Variants in KCNC2 observed in about 807,000 individuals in gnomAD.
KCNC2 encodes potassium voltage-gated channel subfamily C member 2.
In KCNC2, 21 loss-of-function variants were observed where a neutral mutation model predicts 44.5. That is an observed-to-expected ratio of 0.47 (90% CI 0.33 to 0.68). The LOEUF is 0.68. KCNC2 is among the 30% of genes least tolerant of loss of function. KCNC2 has a pLI of 0.01. For synonymous variants in KCNC2, 391 were observed against 339.1 expected, an observed-to-expected ratio of 1.15 and a Z score of -1.68; for missense variants, 589 against 826.2, an observed-to-expected ratio of 0.71 and a Z score of 3.52.
chr12:75,144,366 T>C (rs1889865906), intron 2 of KCNC2, among the ~76,000 whole-genome samples: 1 of 152,186 alleles, frequency 6.6e-6, no homozygotes, highest in African/African-American at 2.4e-5. Flanking sequence ...TAGTAGAGTG[T>C]TGTCCCACTA....
chr12:75,114,856 C>CTTTT (rs754820554), intron 2 of KCNC2, among the ~76,000 whole-genome samples: 2 of 86,542 alleles, frequency 2.3e-5, no homozygotes, highest in Non-Finnish European at 4.1e-5. Context: ...TCAACTTCTA[C>CTTTT]TTTTTTTTTT....
Position 75,042,106 on chromosome 12 carries a change from A to G in KCNC2, c.*999T>C, listed in dbSNP as rs945306913. 9.7e-6 allele frequency: 12 copies of G among 1,243,112 alleles called. No homozygotes were observed. The highest frequency in any genetic ancestry group is 3.2e-5 in the South Asian group (1 of 31,714). The allele number at this position is 1,243,112 out of a possible 1,614,324, so 77.0% of individuals were successfully genotyped here. On this transcript the variant is annotated 3_prime_UTR_variant, in exon 5 of 5. Coordinates refer to ENST00000549446, the MANE Select transcript of KCNC2 (RefSeq NM_139137.4). The stretch of plus-strand genomic sequence containing the variant: ...AGTGACATTTGATGTTTGCACAAAA[A>G]ATTAATAAATAAAAATAAAATAAGG...
intron 2 of KCNC2, among the ~76,000 whole-genome samples, chr12:75,060,041 G>T (rs1013992250): frequency 3.3e-5 from 5 of 151,972 alleles, no homozygotes; most frequent in African/African-American, 1.2e-4. Flanking sequence ...AATCAATAAA[G>T]GCAATCAAAA....
intron 2 of KCNC2, among the ~76,000 whole-genome samples, chr12:75,090,904 G>GAAA (rs1300412220): frequency 1.3e-5 from 2 of 151,644 alleles, no homozygotes; most frequent in Non-Finnish European, 3.0e-5. Flanking sequence ...CACTGGTGAA[G>GAAA]AAAAATGGGT....
rs112076923 is a variant in KCNC2 at position 75,170,777 on chromosome 12, C to T, written c.687+36520G>A. Among the ~76,000 whole-genome samples, 233 of 151,828 alleles carry T rather than the reference C, an allele frequency of 1.5e-3. 4 individuals carry two copies. The highest frequency in any genetic ancestry group is 4.4e-3 in the African/African-American group (182 of 41,472). ...CAGCTCCCATATTTGAACTTCTCCA[C>T]GTTTCAGGGCAACACCCAATAGTTA... On this transcript the variant is annotated intron_variant, in intron 2 of 4. Transcript: ENST00000549446.
chr12:75,169,034 C>T (rs1209308525), intron 2 of KCNC2, among the ~76,000 whole-genome samples: 2 of 151,334 alleles, frequency 1.3e-5, no homozygotes, highest in East Asian at 1.9e-4. Context: ...TAGACAGGTG[C>T]CAAAAGGAAA....
intron 2 of KCNC2, among the ~76,000 whole-genome samples, chr12:75,054,369 A>C (rs975949384): frequency 6.6e-6 from 1 of 152,132 alleles, no homozygotes; most frequent in Non-Finnish European, 1.5e-5. Flanking sequence ...CAATAACATA[A>C]TAGAAATTTG....
Position 75,209,300 on chromosome 12 carries a change from C to A in KCNC2, c.-113G>T, listed in dbSNP as rs1303142348. ...GACTGAGTCTTGGCGCCCAGGTGAG[C>A]CGCCCTTCTCCGACGAGAAACTACT... is the stretch of plus-strand genomic sequence containing the variant. On this transcript the variant is annotated 5_prime_UTR_variant, in exon 1 of 5. Coordinates refer to ENST00000549446, the MANE Select transcript of KCNC2 (RefSeq NM_139137.4). The A allele has an allele frequency of 6.6e-6, 1 of 152,196 alleles. No individual in the cohort carries two copies. The highest frequency in any genetic ancestry group is 1.5e-5 in the Non-Finnish European group (1 of 68,066). 9.4% of individuals were successfully genotyped at this position (152,196 alleles called of 1,614,324 possible).
Position 75,041,309 on chromosome 12 carries a change from G to A in KCNC2, c.*1796C>T. On this transcript the variant is annotated 3_prime_UTR_variant, in exon 5 of 5. Transcript: ENST00000549446. ...GTGTGGTGTTATCAAAAGAATCACT[G>A]TGTCTCTAAATATCATATATGTATG... 1 of 1,511,402 alleles carries A rather than the reference G, an allele frequency of 6.6e-7. No individual in the cohort carries two copies. The highest frequency in any genetic ancestry group is 8.8e-7 in the Non-Finnish European group (1 of 1,132,434). 93.6% of individuals were successfully genotyped at this position (1,511,402 alleles called of 1,614,324 possible).
chr12:75,188,709 A>C (rs1254510710), intron 2 of KCNC2, among the ~76,000 whole-genome samples: 1 of 151,700 alleles, frequency 6.6e-6, no homozygotes, highest in African/African-American at 2.4e-5. Context: ...AAATACAAAA[A>C]ATTAGCTGGG....
intron 2 of KCNC2, among the ~76,000 whole-genome samples, chr12:75,085,744 T>C (rs1884944034): frequency 6.6e-6 from 1 of 152,108 alleles, no homozygotes; most frequent in Admixed American, 6.6e-5. Context: ...TACTTCATTC[T>C]TTCACAATAG....
chr12:75,130,571 A>T (rs1888765913), intron 2 of KCNC2, among the ~76,000 whole-genome samples: 1 of 152,244 alleles, frequency 6.6e-6, no homozygotes, highest in Non-Finnish European at 1.5e-5. Flanking sequence ...ATGAGGCTAC[A>T]GAAATTATTA....
chr12:75,050,371 A>G lies in KCNC2; in HGVS notation c.1615+19T>C, dbSNP rs1881033925. 6.5e-7 allele frequency: 1 copy of G among 1,544,022 alleles called. No homozygotes were observed. The highest frequency in any genetic ancestry group is 1.4e-5 in the African/African-American group (1 of 72,834). ...GTCTATAAAGTATTTAATAACATGC[A>G]TTTGAAGTCCTGCCTTACCTGATCT... On this transcript the variant is annotated intron_variant, in intron 3 of 4. Coordinates refer to ENST00000549446, the MANE Select transcript of KCNC2 (RefSeq NM_139137.4).
At position 75,064,210 on chromosome 12, in the gene KCNC2, G is replaced by A. The variant is rs559907319; in HGVS notation, c.688-12893C>T. ...TTCTATTTTAAAACACTTTTTATTA[G>A]CTACTTTATTCTTTTATTCCCTTGC... On this transcript the variant is annotated intron_variant, in intron 2 of 4. Coordinates refer to ENST00000549446, the MANE Select transcript of KCNC2 (RefSeq NM_139137.4). 1.1e-4 allele frequency among the ~76,000 whole-genome samples: 17 copies of A among 152,006 alleles called. 1 individual carries two copies. The South Asian group carries it at 2.9e-3, about 26-fold the overall frequency.
At chr12:75,095,324 A>T (rs1885830424) in intron 2 of KCNC2, among the ~76,000 whole-genome samples, 1 of 151,752 alleles carries the variant, frequency 6.6e-6, no homozygotes, top group African/African-American at 2.4e-5. Flanking sequence ...GGGCCCACAC[A>T]CAGAATTGTC....
intron 2 of KCNC2, among the ~76,000 whole-genome samples, chr12:75,104,351 A>G (rs1886611076): frequency 6.6e-6 from 1 of 152,192 alleles, no homozygotes; most frequent in Admixed American, 6.5e-5. Flanking sequence ...TCAGAACGGT[A>G]CACAATTTAA....
intron 2 of KCNC2, among the ~76,000 whole-genome samples, chr12:75,137,298 A>G (rs1252262203): frequency 1.3e-5 from 2 of 152,162 alleles, no homozygotes; most frequent in Admixed American, 1.3e-4. Context: ...AAGAAATCTC[A>G]TATAATTTAC....
intron 2 of KCNC2, among the ~76,000 whole-genome samples, chr12:75,198,331 C>T (rs769291445): frequency 1.1e-4 from 17 of 151,622 alleles, no homozygotes; most frequent in Admixed American, 3.3e-4. Context: ...TCACTCAGGC[C>T]TAATTATAAA....
At chr12:75,130,943 T>TA (rs1183775381) in intron 2 of KCNC2, among the ~76,000 whole-genome samples, 1 of 152,094 alleles carries the variant, frequency 6.6e-6, no homozygotes, top group Non-Finnish European at 1.5e-5. Context: ...TCCCATCTGT[T>TA]ACGCCTCCTG....
Sources: allele counts gnomAD v4.1 joint callset (sites outside exome capture counted in the v4.1 genomes callset), GRCh38; gene constraint gnomAD v4.1.1; transcripts MANE v1.5; gene names NCBI Gene and HGNC (gene_info 2026-07-23, HGNC 2026-07-21).